BAHCC1: variants seen among roughly 807,000 people sequenced by gnomAD.
BAHCC1 encodes BAH domain and coiled-coil containing 1.
In BAHCC1, 43 loss-of-function variants were observed where a neutral mutation model predicts 88.2. That is an observed-to-expected ratio of 0.49 (90% CI 0.38 to 0.63). The LOEUF is 0.63. BAHCC1 is among the 20% of genes least tolerant of loss of function. The probability of loss-of-function intolerance (pLI) is 0.00; values close to 1 mark genes in which losing one functional copy is unlikely to be tolerated. For missense variants in BAHCC1, 3,023 were observed against 1,654.8 expected, an observed-to-expected ratio of 1.83 and a Z score of -14.34; for synonymous variants, 1,510 against 745.5, an observed-to-expected ratio of 2.03 and a Z score of -16.71.
At chr17:81,453,976 G>T (rs72853275) in intron 14 of BAHCC1, among the ~76,000 whole-genome samples, 1 of 152,240 alleles carries the variant, frequency 6.6e-6, no homozygotes. Context: ...CTGTGAGCAG[G>T]AAGGTGGAAA....
intron 2 of BAHCC1, among the ~76,000 whole-genome samples, chr17:81,406,693 C>T (rs1000266745): frequency 1.1e-4 from 17 of 152,254 alleles, no homozygotes; most frequent in Non-Finnish European, 2.1e-4. Context: ...TACTGCCTCC[C>T]GTGGCCCCAG....
At chr17:81,400,064 G>A in intron 2 of BAHCC1, 147 bp downstream of exon 2, 1 of 748,934 alleles carries the variant, frequency 1.3e-6, no homozygotes. Flanking sequence ...GCGGGGCCGC[G>A]CGTCCCGCCA....
In BAHCC1 at chr17:81,464,802, A is replaced by AG. The variant is rs1555660340; in HGVS notation, c.*989dup. On this transcript the variant is annotated 3_prime_UTR_variant, in exon 28 of 28. Coordinates refer to ENST00000675386, the MANE Select transcript of BAHCC1 (RefSeq NM_001377448.1). ...AGTCTGGCCTCCACCCAGAGCAGGGAGGGGCTGGCCCCTCGCCCCCCTCAC... is the reference window on the plus strand; with the variant it reads ...AGTCTGGCCTCCACCCAGAGCAGGGAGGGGGCTGGCCCCTCGCCCCCCTCAC... 6.6e-6 allele frequency: 1 copy of AG among 152,348 alleles called. No homozygotes were observed. The highest frequency in any genetic ancestry group is 1.5e-5 in the Non-Finnish European group (1 of 68,026). The allele number at this position is 152,348 out of a possible 1,614,324, so 9.4% of individuals were successfully genotyped here. A position where few individuals can be genotyped will look rare whatever the true frequency, so the allele number is the denominator to read the frequency against.
intron 2 of BAHCC1, among the ~76,000 whole-genome samples, chr17:81,417,208 C>T (rs1314887223): frequency 6.6e-6 from 1 of 152,182 alleles, no homozygotes; most frequent in Non-Finnish European, 1.5e-5. Flanking sequence ...AGCTGGCTGT[C>T]TCAAGATGGT....
chr17:81,448,514 G>A (rs2064574945), intron 11 of BAHCC1, among the ~76,000 whole-genome samples: 1 of 152,222 alleles, frequency 6.6e-6, no homozygotes, highest in African/African-American at 2.4e-5. Context: ...CCCGCTTCCT[G>A]CCGTCTTCCC....
At chr17:81,430,897 C>T (rs1025144239) in intron 3 of BAHCC1, among the ~76,000 whole-genome samples, 14 of 152,086 alleles carry the variant, frequency 9.2e-5, no homozygotes, top group Non-Finnish European at 1.5e-4. Flanking sequence ...CCTGCCTAGA[C>T]CTGCTGTCCC....
chr17:81,442,569 C>A lies in BAHCC1; in HGVS notation c.1220C>A (p.Pro407His). ...GGACACCTGGCCGACAAGGGCCGCCCCTTCCAGGCCGCCGAGGCCTGTGCC... is the reference window on the plus strand; with the variant it reads ...GGACACCTGGCCGACAAGGGCCGCCACTTCCAGGCCGCCGAGGCCTGTGCC... ...SVGHLADKGR[P>H]FQAAEACAVA... The change falls in exon 5 of 28, where the codon CCC becomes CAC. Residue 407 changes from proline (P) to histidine (H), a missense_variant. Transcript: ENST00000675386. The A allele has an allele frequency of 1.3e-6, 1 of 757,938 alleles. No individual in the cohort carries two copies. Among genetic ancestry groups the A allele is most frequent in the South Asian group, 1.4e-5 (1 of 72,596 alleles). 47.0% of individuals were successfully genotyped at this position (757,938 alleles called of 1,614,324 possible). A position where few individuals can be genotyped will look rare whatever the true frequency, so the allele number is the denominator to read the frequency against.
chr17:81,427,688 G>A (rs1304063817), intron 3 of BAHCC1, among the ~76,000 whole-genome samples: 7 of 152,256 alleles, frequency 4.6e-5, no homozygotes, highest in Admixed American at 1.3e-4. Context: ...GTATTCCCTC[G>A]GCCACCCCAA....
chr17:81,415,313 C>T (rs927578147), intron 2 of BAHCC1, among the ~76,000 whole-genome samples: 1 of 152,226 alleles, frequency 6.6e-6, no homozygotes, highest in Non-Finnish European at 1.5e-5. Flanking sequence ...CAGGGTGCTG[C>T]CTGGAGGGGA....
At chr17:81,455,234 A>G in intron 14 of BAHCC1, 33 bp from the exon 15 acceptor site, 1 of 708,812 alleles carries the variant, frequency 1.4e-6, no homozygotes. Context: ...CCGGGCCTGC[A>G]TCTGCCCTGC....
intron 27 of BAHCC1, 24 bp downstream of exon 27, chr17:81,463,000 C>G (rs782798626): frequency 1.3e-6 from 1 of 773,426 alleles, no homozygotes; most frequent in South Asian, 1.3e-5. Context: ...AGGTGTGGGG[C>G]CCAGCCCCCC....
At chr17:81,458,769 ACC>A in intron 19 of BAHCC1, 42 bp from the exon 20 acceptor site, 1 of 751,204 alleles carries the variant, frequency 1.3e-6, no homozygotes, top group Non-Finnish European at 2.5e-6. Context: ...ACCCACCTGC[ACC>A]CCGCCTGCAC....
At chr17:81,417,485 C>T (rs1354049667) in intron 2 of BAHCC1, among the ~76,000 whole-genome samples, 3 of 151,794 alleles carry the variant, frequency 2.0e-5, no homozygotes, top group Non-Finnish European at 2.9e-5. Context: ...ACCATGGCTG[C>T]TCTGAGTCAC....
At chr17:81,408,484 C>G (rs1292619865) in intron 2 of BAHCC1, among the ~76,000 whole-genome samples, 1 of 151,396 alleles carries the variant, frequency 6.6e-6, no homozygotes, top group Non-Finnish European at 1.5e-5. Context: ...CTGGGGCCTA[C>G]CCCTGCCTGG....
chr17:81,433,001 C>T (rs957443478), intron 3 of BAHCC1, among the ~76,000 whole-genome samples: 2 of 147,704 alleles, frequency 1.4e-5, no homozygotes, highest in Non-Finnish European at 3.0e-5. Context: ...TCTGGAGGCT[C>T]CCATGGGAAC....
intron 1 of BAHCC1, among the ~76,000 whole-genome samples, chr17:81,398,537 C>T (rs1409241651): frequency 1.3e-5 from 2 of 152,228 alleles, no homozygotes; most frequent in Admixed American, 1.3e-4. Flanking sequence ...CGGTCCCCGG[C>T]AGGCGCTGAA....
intron 1 of BAHCC1, among the ~76,000 whole-genome samples, chr17:81,398,690 A>G (rs963570083): frequency 1.3e-5 from 2 of 152,218 alleles, no homozygotes; most frequent in African/African-American, 2.4e-5. Context: ...TGATTGTTAC[A>G]GCCTCAACAG....
At chr17:81,437,206 T>G (rs1224758386) in intron 3 of BAHCC1, among the ~76,000 whole-genome samples, 2 of 152,240 alleles carry the variant, frequency 1.3e-5, no homozygotes, top group Non-Finnish European at 2.9e-5. Context: ...AGCTGTGGGT[T>G]GCCTCAAACG....
chr17:81,406,480 AC>A (rs1555646918), intron 2 of BAHCC1, among the ~76,000 whole-genome samples: 1 of 152,126 alleles, frequency 6.6e-6, no homozygotes, highest in Non-Finnish European at 1.5e-5. Flanking sequence ...AGCAAAAAAA[AC>A]ATCAGAGCCA....
Sources: gnomAD v4.1 joint callset for allele counts (sites outside exome capture counted in the v4.1 genomes callset) on GRCh38, gnomAD v4.1.1 for gene constraint, MANE v1.5 for transcripts, NCBI Gene and HGNC (gene_info 2026-07-23, HGNC 2026-07-21) for gene names.